PDZD2: variants seen among roughly 807,000 people sequenced by gnomAD.
The protein encoded by PDZD2 is PDZ domain-containing protein 2.
In PDZD2, 90 loss-of-function variants were observed where a neutral mutation model predicts 220.7. That is an observed-to-expected ratio of 0.41 (90% confidence interval 0.34 to 0.49). PDZD2 has a LOEUF of 0.49. Among genes scored for constraint, PDZD2 ranks in the 20% least tolerant of loss-of-function variants. The pLI, the probability that PDZD2 is intolerant of heterozygous loss-of-function variation, is 0.28. For synonymous variants in PDZD2, 1,375 were observed against 1,450.5 expected (o/e 0.95, Z 1.18); for missense variants, 3,174 against 3,608.5 (o/e 0.88, Z 3.08).
intron 1 of PDZD2, among the ~76,000 whole-genome samples, chr5:31,743,801 G>T (rs187502569): frequency 8.9e-4 from 136 of 152,186 alleles, no homozygotes; most frequent in Non-Finnish European, 1.5e-3. Flanking sequence ...GAAAGAAATG[G>T]AAGAAACATG....
chr5:31,785,836 G>C (rs558742352), intron 1 of PDZD2, among the ~76,000 whole-genome samples: 1 of 152,122 alleles, frequency 6.6e-6, no homozygotes, highest in South Asian at 2.1e-4. Flanking sequence ...CTCGCCCCAA[G>C]GTTCGGTGGT....
At chr5:31,830,442 C>T (rs568658223) in intron 2 of PDZD2, among the ~76,000 whole-genome samples, 1 of 151,738 alleles carries the variant, frequency 6.6e-6, no homozygotes, top group South Asian at 2.1e-4. Context: ...TCCCAAAGTG[C>T]TGGGATTACA....
chr5:32,054,289 T>G (rs1738875338), intron 10 of PDZD2, among the ~76,000 whole-genome samples: 1 of 148,764 alleles, frequency 6.7e-6, no homozygotes, highest in South Asian at 2.1e-4. Context: ...AACCACCACA[T>G]AGTCTGGTTC....
intron 1 of PDZD2, among the ~76,000 whole-genome samples, chr5:31,651,638 A>ATTATT (rs1745352750): frequency 6.6e-6 from 1 of 151,240 alleles, no homozygotes; most frequent in African/African-American, 2.4e-5. Context: ...TTATTTATTT[A>ATTATT]TTTATTTTTT....
intron 1 of PDZD2, among the ~76,000 whole-genome samples, chr5:31,788,288 T>C (rs990307819): frequency 6.6e-6 from 1 of 152,020 alleles, no homozygotes; most frequent in African/African-American, 2.4e-5. Flanking sequence ...GGAGAATTGA[T>C]TGAACCCAGG....
intron 7 of PDZD2, among the ~76,000 whole-genome samples, chr5:32,046,904 G>A (rs766898163): frequency 2.0e-5 from 3 of 152,028 alleles, no homozygotes; most frequent in Admixed American, 1.3e-4. Context: ...TTAGCTGGGC[G>A]TGGTGGCGTG....
intron 24 of PDZD2, among the ~76,000 whole-genome samples, chr5:32,105,133 C>CA (rs143261997): frequency 0.024 from 3,572 of 147,004 alleles, 144 homozygotes; most frequent in African/African-American, 0.084. Flanking sequence ...GACCTTGTCT[C>CA]AAAAAAAAAC....
chr5:31,861,137 G>A (rs964056839), intron 2 of PDZD2, among the ~76,000 whole-genome samples: 3 of 152,170 alleles, frequency 2.0e-5, no homozygotes, highest in Non-Finnish European at 4.4e-5. Context: ...CTGTGTTGCT[G>A]TGTAAACTGG....
intron 23 of PDZD2, chr5:32,100,847 T>C: frequency 6.6e-7 from 1 of 1,506,044 alleles, no homozygotes; most frequent in Non-Finnish European, 9.0e-7. Context: ...TAAAAGCATT[T>C]GCCAATGCTT....
At chr5:31,757,809 G>A (rs1469780582) in intron 1 of PDZD2, among the ~76,000 whole-genome samples, 1 of 152,152 alleles carries the variant, frequency 6.6e-6, no homozygotes, top group African/African-American at 2.4e-5. Context: ...GCTGTCATTT[G>A]CCACCTGTGA....
chr5:32,072,484 A>T (rs1002302930), intron 17 of PDZD2, among the ~76,000 whole-genome samples, 167 bp downstream of exon 17: 4 of 152,152 alleles, frequency 2.6e-5, no homozygotes, highest in African/African-American at 9.7e-5. Context: ...TAATCCTAGC[A>T]CTTGGGGAGG....
intron 1 of PDZD2, among the ~76,000 whole-genome samples, chr5:31,643,717 G>A (rs1205793893): frequency 1.3e-5 from 2 of 152,022 alleles, no homozygotes; most frequent in Non-Finnish European, 2.9e-5. Context: ...TTGAAAAGAT[G>A]AAAAAACAGT....
intron 2 of PDZD2, among the ~76,000 whole-genome samples, chr5:31,971,009 A>G (rs1749249852): frequency 6.6e-6 from 1 of 152,250 alleles, no homozygotes. Context: ...CTATGCATTC[A>G]GAATAGGTCA....
chr5:31,645,780 C>T (rs144393951), intron 1 of PDZD2, among the ~76,000 whole-genome samples: 39 of 152,208 alleles, frequency 2.6e-4, no homozygotes, highest in Non-Finnish European at 1.5e-4. Flanking sequence ...AGGCAGCACT[C>T]ATATAGTGTA....
chr5:32,091,925 T>A (rs1743194547), intron 20 of PDZD2, among the ~76,000 whole-genome samples: 1 of 151,936 alleles, frequency 6.6e-6, no homozygotes, highest in Non-Finnish European at 1.5e-5. Flanking sequence ...CACGGGGGAA[T>A]TTGGACTTTG....
chr5:32,048,899 C>T (rs1479481450), intron 8 of PDZD2, among the ~76,000 whole-genome samples: 4 of 152,114 alleles, frequency 2.6e-5, no homozygotes, highest in African/African-American at 7.2e-5. Context: ...TCAAAATGTT[C>T]ATCTCCTTCC....
chr5:31,865,818 A>AGAT (rs1738176598), intron 2 of PDZD2, among the ~76,000 whole-genome samples: 4 of 150,334 alleles, frequency 2.7e-5, no homozygotes, highest in African/African-American at 9.8e-5. Context: ...TTTTTAGTAG[A>AGAT]GGCTGGGTTT....
intron 2 of PDZD2, among the ~76,000 whole-genome samples, chr5:31,881,314 A>G (rs979156929): frequency 7.2e-6 from 1 of 138,120 alleles, no homozygotes; most frequent in Admixed American, 7.4e-5. Flanking sequence ...GTCTCATCCC[A>G]TTTCCATATA....
intron 2 of PDZD2, among the ~76,000 whole-genome samples, chr5:31,869,017 C>T (rs981416721): frequency 6.6e-6 from 1 of 152,170 alleles, no homozygotes; most frequent in African/African-American, 2.4e-5. Flanking sequence ...AAATGATCTG[C>T]CTGCTTCGGC....
Sources: allele counts gnomAD v4.1 joint callset (sites outside exome capture counted in the v4.1 genomes callset), GRCh38; gene constraint gnomAD v4.1.1; transcripts MANE v1.5; gene names NCBI Gene and HGNC (gene_info 2026-07-23, HGNC 2026-07-21).